The following CYFIP2 variants were observed in gnomAD, a reference collection of about 807,000 sequenced individuals.
CYFIP2 encodes the protein cytoplasmic FMR1 interacting protein 2, also known as cytoplasmic FMR1-interacting protein 2.
In CYFIP2, 29 loss-of-function variants were observed where a neutral mutation model predicts 158.7. That is an observed-to-expected ratio of 0.18 (90% confidence interval 0.14 to 0.25). The LOEUF (loss-of-function observed/expected upper bound fraction) is 0.25. Ranked by LOEUF, CYFIP2 falls within the 10% of genes least tolerant of loss-of-function variation. The pLI, the probability that CYFIP2 is intolerant of heterozygous loss-of-function variation, is 1.00. For synonymous variants in CYFIP2, 585 were observed against 617.6 expected, an observed-to-expected ratio of 0.95 and a Z score of 0.78; for missense variants, 852 against 1,639.5, an observed-to-expected ratio of 0.52 and a Z score of 8.29.
At chr5:157,342,955 C>T in intron 23 of CYFIP2, 1 of 1,614,246 alleles carries the variant, frequency 6.2e-7, no homozygotes, top group Non-Finnish European at 8.5e-7. Flanking sequence ...CTTCGGGATC[C>T]AGTTCAGCTC....
chr5:157,354,529 C>T (rs376649846), intron 23 of CYFIP2, among the ~76,000 whole-genome samples: 8 of 151,576 alleles, frequency 5.3e-5, no homozygotes, highest in African/African-American at 1.5e-4. Context: ...TTTCAGCATG[C>T]GTGTGCATTT....
intron 16 of CYFIP2, chr5:157,324,906 A>G (rs2113134798): frequency 6.6e-6 from 1 of 152,260 alleles, no homozygotes; most frequent in African/African-American, 2.4e-5. Context: ...CCCAGGTTCA[A>G]AGAATCCTTC....
intron 26 of CYFIP2, among the ~76,000 whole-genome samples, chr5:157,381,164 TA>T (rs1304984122): frequency 2.0e-5 from 3 of 152,150 alleles, no homozygotes; most frequent in Non-Finnish European, 4.4e-5. Flanking sequence ...GTAAATAGAA[TA>T]AAAATTGTGT....
At position 157,361,330 on chromosome 5, in the gene CYFIP2, C is replaced by A. The variant is rs995796515; in HGVS notation, c.2909-138C>A. The A allele has an allele frequency of 2.0e-6, 2 of 1,025,028 alleles. No homozygotes were observed. The highest frequency in any genetic ancestry group is 3.2e-5 in the African/African-American group (2 of 62,460). The allele number at this position is 1,025,028 out of a possible 1,614,324, so 63.5% of individuals were successfully genotyped here. A position where few individuals can be genotyped will look rare whatever the true frequency, so the allele number is the denominator to read the frequency against. ...GCCCTGAAAGAAATCTCACTCTGGG[C>A]CTGCAGGTAAGAGGGATGCGTGGTT... On this transcript the variant is annotated intron_variant, in intron 25 of 30. Coordinates refer to ENST00000620254, the MANE Select transcript of CYFIP2 (RefSeq NM_001037333.3). This position sits in a 1 kb window ranked among gnomAD's most constrained non-coding sequence, Gnocchi z 4.4.
At chr5:157,389,581 CAAGA>C (rs1767061555) in intron 29 of CYFIP2, 154 bp downstream of exon 29, 2 of 652,690 alleles carry the variant, frequency 3.1e-6, no homozygotes, top group Non-Finnish European at 5.1e-6. Context: ...ACTGCATTGG[CAAGA>C]AAGAGCCCAG....
At position 157,329,435 on chromosome 5, in the gene CYFIP2, A is replaced by AT. The variant is rs1017672065; in HGVS notation, c.2157-1301dup. On this transcript the variant is annotated intron_variant, in intron 19 of 30. Transcript: ENST00000620254. ...TACACCCTTCCCTGTAAGATCAGTG[A>AT]TTTTTTAAAGTGTGGGAAGTTGAGG... Among the ~76,000 whole-genome samples the AT allele has an allele frequency of 1.4e-4, 22 of 152,314 alleles. No individual in the cohort carries two copies. In the South Asian group the frequency reaches 3.3e-3, roughly 23 times the overall value.
chr5:157,279,774 A>G (rs991088981), intron 1 of CYFIP2, among the ~76,000 whole-genome samples: 1 of 152,266 alleles, frequency 6.6e-6, no homozygotes, highest in Non-Finnish European at 1.5e-5. Context: ...TTTCAAAATG[A>G]TGAAATGGTC....
rs566709643 is a variant in CYFIP2, at chr5:157,322,820, G to A, written c.1672-1101G>A. On this transcript the variant is annotated intron_variant, in intron 15 of 30. Coordinates refer to ENST00000620254, the MANE Select transcript of CYFIP2 (RefSeq NM_001037333.3). ...AGAGGTGGCCCCCGGCAGTCGCGGCGGCTTTCCCACCGTATACAATACCTC... is the reference window on the plus strand; with the variant it reads ...AGAGGTGGCCCCCGGCAGTCGCGGCAGCTTTCCCACCGTATACAATACCTC... 1.6e-5 allele frequency: 17 copies of A among 1,043,090 alleles called. No individual in the cohort carries two copies. The Admixed American group carries it at 1.8e-4, about 11-fold the overall frequency. 64.6% of individuals were successfully genotyped at this position (1,043,090 alleles called of 1,614,324 possible). A position where few individuals can be genotyped will look rare whatever the true frequency, so the allele number is the denominator to read the frequency against.
At chr5:157,368,598 T>C (rs1252767668) in intron 26 of CYFIP2, among the ~76,000 whole-genome samples, 5 of 152,246 alleles carry the variant, frequency 3.3e-5, no homozygotes, top group Admixed American at 6.5e-5. Flanking sequence ...TGGAGGCACT[T>C]TGACTCCCAA....
At chr5:157,322,376 G>A (rs765118324) in intron 15 of CYFIP2, among the ~76,000 whole-genome samples, 1 of 152,232 alleles carries the variant, frequency 6.6e-6, no homozygotes, top group Non-Finnish European at 1.5e-5. Context: ...GATAGAGACT[G>A]TTTTGGTGAA....
At position 157,302,797 on chromosome 5, in the gene CYFIP2, A is replaced by T. The variant is rs776980904; in HGVS notation, c.573A>T (p.Ala191=). ...GCACCCACTATCTGCGTTTCAGGGC[A>T]GCACAGTTCCTGCGGAAGATGGCAG... The part of the protein sequence containing the change: ...VKNDHSAYKR[A]AQFLRKMADP... The change falls in exon 7 of 31, where the codon GCA becomes GCT. Residue 191 remains alanine, a synonymous_variant. Coordinates refer to ENST00000620254, the MANE Select transcript of CYFIP2 (RefSeq NM_001037333.3). The T allele has an allele frequency of 1.6e-5, 26 of 1,576,014 alleles. No individual in the cohort carries two copies. In the South Asian group the frequency reaches 3.0e-4, roughly 18 times the overall value.
At chr5:157,275,015 T>C (rs929467413) in intron 1 of CYFIP2, among the ~76,000 whole-genome samples, 5 of 152,130 alleles carry the variant, frequency 3.3e-5, no homozygotes, top group African/African-American at 4.8e-5. Context: ...GCTTAAGCGA[T>C]TCTCCCATCA....
Position 157,311,225 on chromosome 5 carries a change from C to T in CYFIP2, c.993-439C>T, listed in dbSNP as rs553630038. 1.1e-4 allele frequency: 42 copies of T among 389,442 alleles called. No homozygotes were observed. Among genetic ancestry groups the T allele is most frequent in the African/African-American group, 1.9e-4 (9 of 48,066 alleles). 24.1% of individuals were successfully genotyped at this position (389,442 alleles called of 1,614,324 possible). ...AGAGGCACAGTCACATTCATATTTC[C>T]GCAATCCCAGCCCAAAGGCCCCCCA... On this transcript the variant is annotated intron_variant, in intron 10 of 30. Coordinates refer to ENST00000620254, the MANE Select transcript of CYFIP2 (RefSeq NM_001037333.3). This position sits in a 1 kb window ranked among gnomAD's most constrained non-coding sequence, Gnocchi z 4.7.
intron 26 of CYFIP2, 63 bp from the exon 27 acceptor site, chr5:157,382,527 A>G: frequency 1.3e-6 from 2 of 1,574,012 alleles, no homozygotes. Context: ...GTTTTTAGGA[A>G]TGAAAAATCT....
At chr5:157,341,935 T>G (rs540703230) in intron 23 of CYFIP2, 2 of 152,408 alleles carry the variant, frequency 1.3e-5, no homozygotes, top group Admixed American at 1.3e-4. Flanking sequence ...TTCACAGACA[T>G]GGCATTTAAC....
chr5:157,357,469 C>T (rs1457663104), intron 23 of CYFIP2, among the ~76,000 whole-genome samples: 1 of 152,182 alleles, frequency 6.6e-6, no homozygotes, highest in Non-Finnish European at 1.5e-5. Flanking sequence ...CTTATGTGGT[C>T]ATCCCATAAA....
At chr5:157,316,254 C>T (rs1760137293) in intron 13 of CYFIP2, among the ~76,000 whole-genome samples, 2 of 152,130 alleles carry the variant, frequency 1.3e-5, no homozygotes, top group African/African-American at 2.4e-5. Flanking sequence ...TGCATATACA[C>T]ATAAATGTGG....
chr5:157,316,828 C>A (rs1209100943), intron 13 of CYFIP2, among the ~76,000 whole-genome samples: 1 of 152,080 alleles, frequency 6.6e-6, no homozygotes, highest in Admixed American at 6.5e-5. Context: ...AAGGGCCATA[C>A]AAATGTAAGA....
At position 157,302,788 on chromosome 5, in the gene CYFIP2, T is replaced by C; in HGVS notation, c.570-6T>C. On this transcript the variant is annotated splice_region_variant and splice_polypyrimidine_tract_variant and intron_variant, in intron 6 of 30. Coordinates refer to ENST00000620254, the MANE Select transcript of CYFIP2 (RefSeq NM_001037333.3). ...CTCTCTGCAGCACCCACTATCTGCGTTTCAGGGCAGCACAGTTCCTGCGGA... is the reference window on the plus strand; with the variant it reads ...CTCTCTGCAGCACCCACTATCTGCGCTTCAGGGCAGCACAGTTCCTGCGGA... The C allele has an allele frequency of 6.4e-7, 1 of 1,570,856 alleles. No homozygotes were observed. The highest frequency in any genetic ancestry group is 8.6e-7 in the Non-Finnish European group (1 of 1,157,420).
Sources: gnomAD v4.1 joint callset for allele counts (sites outside exome capture counted in the v4.1 genomes callset) on GRCh38, gnomAD v4.1.1 for gene constraint, Gnocchi (gnomAD v3.1) non-coding constraint, MANE v1.5 for transcripts, NCBI Gene and HGNC (gene_info 2026-07-23, HGNC 2026-07-21) for gene names.